Variants in ENOX1 observed in about 807,000 individuals in gnomAD.
The protein encoded by ENOX1 is ecto-NOX disulfide-thiol exchanger 1, also known as candidate growth-related and time keeping constitutive hydroquinone (NADH) oxidase.
ENOX1 carries 42 observed loss-of-function variants against 82.5 expected under a neutral mutation model. That is an observed-to-expected ratio of 0.51 (90% CI 0.40 to 0.66). The LOEUF (loss-of-function observed/expected upper bound fraction) is 0.66. Ranked by LOEUF, ENOX1 falls within the 30% of genes least tolerant of loss-of-function variation. The pLI is 0.00. For missense variants in ENOX1, 608 were observed against 811.6 expected, an observed-to-expected ratio of 0.75 and a Z score of 3.05; for synonymous variants, 271 against 282.2, an observed-to-expected ratio of 0.96 and a Z score of 0.40.
intron 3 of ENOX1, among the ~76,000 whole-genome samples, chr13:43,476,183 T>C (rs1009513945): frequency 5.3e-5 from 8 of 152,142 alleles, no homozygotes; most frequent in African/African-American, 1.4e-4. Context: ...GTTTATTCAT[T>C]CAGTAATTCA....
intron 1 of ENOX1, among the ~76,000 whole-genome samples, chr13:43,691,151 A>G (rs751217377): frequency 6.6e-6 from 1 of 152,072 alleles, no homozygotes; most frequent in Non-Finnish European, 1.5e-5. Flanking sequence ...TGTCTCCTCT[A>G]TGTCTAGAAA....
intron 3 of ENOX1, among the ~76,000 whole-genome samples, chr13:43,476,677 C>T (rs937087558): frequency 2.6e-5 from 4 of 151,928 alleles, no homozygotes; most frequent in Non-Finnish European, 4.4e-5. Context: ...TGAGATATAA[C>T]GAGTAAAGCT....
chr13:43,696,114 G>T (rs1002673633), intron 1 of ENOX1, among the ~76,000 whole-genome samples: 3 of 152,162 alleles, frequency 2.0e-5, no homozygotes, highest in African/African-American at 7.2e-5. Context: ...TGCAACATGT[G>T]TTGGTATTTC....
At chr13:43,632,127 T>G (rs2083241922) in intron 2 of ENOX1, among the ~76,000 whole-genome samples, 1 of 152,224 alleles carries the variant, frequency 6.6e-6, no homozygotes, top group Non-Finnish European at 1.5e-5. Context: ...CTTCTGAATT[T>G]GAGAAAGCCC....
chr13:43,390,163 C>T (rs1027420093), intron 5 of ENOX1, among the ~76,000 whole-genome samples: 1 of 152,118 alleles, frequency 6.6e-6, no homozygotes, highest in Non-Finnish European at 1.5e-5. Flanking sequence ...AAAAGCCAAG[C>T]AGCCTTCAGT....
chr13:43,527,414 C>T (rs143246563), intron 2 of ENOX1, among the ~76,000 whole-genome samples: 410 of 152,184 alleles, frequency 2.7e-3, no homozygotes, highest in Non-Finnish European at 4.5e-3. Context: ...TATTTCTCCC[C>T]ATAACTTGCC....
At chr13:43,455,110 A>C (rs971872210) in intron 3 of ENOX1, among the ~76,000 whole-genome samples, 1 of 152,160 alleles carries the variant, frequency 6.6e-6, no homozygotes, top group Non-Finnish European at 1.5e-5. Context: ...TAGCTTCCTG[A>C]GAAAAGGTAC....
chr13:43,582,461 G>T (rs1029813831), intron 2 of ENOX1, among the ~76,000 whole-genome samples: 6 of 152,166 alleles, frequency 3.9e-5, no homozygotes, highest in Non-Finnish European at 7.4e-5. Flanking sequence ...AAATTGAGAA[G>T]CTGGTACCTA....
chr13:43,483,533 G>T (rs962314403), intron 3 of ENOX1, among the ~76,000 whole-genome samples: 2 of 152,034 alleles, frequency 1.3e-5, no homozygotes, highest in African/African-American at 2.4e-5. Flanking sequence ...ATATCCTCTG[G>T]TAGAACTAAA....
intron 3 of ENOX1, among the ~76,000 whole-genome samples, chr13:43,457,216 TTTTGTTTTGGTCTAG>T (rs764225013): frequency 6.6e-6 from 1 of 152,250 alleles, no homozygotes; most frequent in Admixed American, 6.5e-5. Flanking sequence ...TACTTATGTA[TTTTGTTTTGGTCTAG>T]TTTGTTTGTC....
chr13:43,384,583 T>A (rs1388972586), intron 5 of ENOX1, among the ~76,000 whole-genome samples: 1 of 152,222 alleles, frequency 6.6e-6, no homozygotes, highest in Non-Finnish European at 1.5e-5. Context: ...CAAACATTTC[T>A]GAATAGAACT....
At chr13:43,735,146 A>G (rs983732728) in intron 1 of ENOX1, among the ~76,000 whole-genome samples, 1 of 152,216 alleles carries the variant, frequency 6.6e-6, no homozygotes, top group Admixed American at 6.5e-5. Flanking sequence ...AAAATGAGGA[A>G]CATATTACCA....
chr13:43,544,899 G>A (rs1176109736), intron 2 of ENOX1: 4 of 152,174 alleles, frequency 2.6e-5, no homozygotes. Context: ...GAAAGAACGA[G>A]TTGATAAGAG....
At chr13:43,584,184 A>C (rs1211593063) in intron 2 of ENOX1, among the ~76,000 whole-genome samples, 1 of 152,232 alleles carries the variant, frequency 6.6e-6, no homozygotes, top group Non-Finnish European at 1.5e-5. Flanking sequence ...AAAAGCAGCT[A>C]CAACCTTCAA....
chr13:43,752,654 G>T (rs1306446190), intron 1 of ENOX1, among the ~76,000 whole-genome samples: 1 of 152,116 alleles, frequency 6.6e-6, no homozygotes, highest in Non-Finnish European at 1.5e-5. Flanking sequence ...TTGCCCCCAT[G>T]CCTTGGTCTA....
chr13:43,705,884 A>C (rs753467591), intron 1 of ENOX1, among the ~76,000 whole-genome samples: 22 of 152,276 alleles, frequency 1.4e-4, no homozygotes, highest in East Asian at 3.9e-4. Flanking sequence ...TGTCCAGTAC[A>C]TTGAAAAATA....
intron 1 of ENOX1, among the ~76,000 whole-genome samples, chr13:43,740,520 G>T (rs1291460287): frequency 6.6e-6 from 1 of 151,908 alleles, no homozygotes; most frequent in African/African-American, 2.4e-5. Flanking sequence ...ACAAGTGCAG[G>T]TTTGTCACAT....
intron 2 of ENOX1, among the ~76,000 whole-genome samples, chr13:43,578,623 T>C (rs1470965215): frequency 2.6e-5 from 4 of 152,182 alleles, no homozygotes; most frequent in Admixed American, 6.5e-5. Context: ...TTCCTGCAGA[T>C]TATTATCTGA....
At chr13:43,216,501 T>C (rs900859388) in intron 16 of ENOX1, among the ~76,000 whole-genome samples, 17 of 152,222 alleles carry the variant, frequency 1.1e-4, no homozygotes, top group Non-Finnish European at 2.4e-4. Flanking sequence ...TAGTTTTTCA[T>C]AGGTCCAGGA....
Sources: gnomAD v4.1 joint callset for allele counts (sites outside exome capture counted in the v4.1 genomes callset) on GRCh38, gnomAD v4.1.1 for gene constraint, MANE v1.5 for transcripts, NCBI Gene and HGNC (gene_info 2026-07-23, HGNC 2026-07-21) for gene names.